Variants in USP13 observed in about 807,000 individuals in gnomAD.
USP13 encodes the protein ubiquitin carboxyl-terminal hydrolase 13.
Under a neutral mutation model 107.8 loss-of-function variants are expected in USP13, and 68 were observed. The ratio of observed to expected loss-of-function variants is 0.63; its 90% CI spans 0.52 to 0.77. The LOEUF is 0.77. Ranked by LOEUF, USP13 falls within the 30% of genes least tolerant of loss-of-function variation. The pLI is 0.00. For missense variants in USP13, 945 were observed against 1,093.3 expected (o/e 0.86, Z 1.91); for synonymous variants, 377 against 389.5 (o/e 0.97, Z 0.38).
chr3:179,784,126 C>G lies in USP13; in HGVS notation c.2577C>G (p.Arg859=). 1 of 1,610,478 alleles carries G rather than the reference C, an allele frequency of 6.2e-7. No homozygotes were observed. The highest frequency in any genetic ancestry group is 1.1e-5 in the South Asian group (1 of 90,328). ...PKDLGYMYFY[R]RIPS is the part of the protein sequence containing the mutation. ...ACCTGGGCTACATGTACTTTTACCG[C>G]AGGATACCAAGCTAAACCTCAAATA... The change falls in exon 21 of 21, where the codon CGC becomes CGG. Residue 859 remains arginine, a synonymous_variant. Coordinates refer to ENST00000263966, the MANE Select transcript of USP13 (RefSeq NM_003940.3).
intron 17 of USP13, 110 bp from the exon 18 acceptor site, chr3:179,763,891 TG>T: frequency 1.4e-6 from 2 of 1,381,790 alleles, no homozygotes; most frequent in Non-Finnish European, 1.9e-6. Flanking sequence ...TGGCCCAGAC[TG>T]TCTTGATTAT....
rs749201937 is a variant in USP13, at chr3:179,680,976, A to G, written c.169-902A>G. On this transcript the variant is annotated intron_variant, in intron 1 of 20. Transcript: ENST00000263966. The stretch of plus-strand genomic sequence containing the variant: ...ATTCCTCACCAATGAATGAGGAAGA[A>G]CGATAATAAAATATCACAGTGAAAA... 1.4e-4 allele frequency among the ~76,000 whole-genome samples: 14 copies of G among 97,826 alleles called. 1 individual carries two copies. The highest frequency in any genetic ancestry group is 2.9e-4 in the Non-Finnish European group (13 of 44,154). 64.2% of individuals were successfully genotyped at this position (97,826 alleles called of 152,430 possible).
chr3:179,721,234 GC>G lies in USP13; in HGVS notation c.901-166del, dbSNP rs1432674722. ...GCATTATGTACATTCACTTTGTTGT[GC>G]CACCATCACCGTCTCTCAGTCTTTT... On this transcript the variant is annotated intron_variant, in intron 7 of 20. Transcript: ENST00000263966. This position sits in a 1 kb window ranked among gnomAD's most constrained non-coding sequence, Gnocchi z 4.3. Among the ~76,000 whole-genome samples the G allele has an allele frequency of 1.3e-5, 2 of 152,076 alleles. No individual in the cohort carries two copies. The highest frequency in any genetic ancestry group is 1.3e-4 in the Admixed American group (2 of 15,276).
intron 14 of USP13, among the ~76,000 whole-genome samples, chr3:179,752,831 G>A (rs1714659835): frequency 6.6e-6 from 1 of 152,166 alleles, no homozygotes; most frequent in Non-Finnish European, 1.5e-5. Context: ...CTCCTCATAG[G>A]ATCTCTCCTC....
intron 1 of USP13, among the ~76,000 whole-genome samples, chr3:179,661,202 G>T (rs1180608937): frequency 6.6e-5 from 10 of 152,152 alleles, no homozygotes. Context: ...GTGTCAGAGG[G>T]TTACCAGGCC....
At chr3:179,746,706 C>T (rs985328757) in intron 13 of USP13, among the ~76,000 whole-genome samples, 1 of 152,114 alleles carries the variant, frequency 6.6e-6, no homozygotes, top group Admixed American at 6.5e-5. Flanking sequence ...TGCTGGATTA[C>T]AGGCATGAGC....
intron 10 of USP13, among the ~76,000 whole-genome samples, chr3:179,737,985 A>G (rs1009509391): frequency 1.1e-4 from 16 of 152,216 alleles, no homozygotes; most frequent in Admixed American, 9.2e-4. Flanking sequence ...GAGGGATGTT[A>G]TATATGGAGC....
At chr3:179,669,347 C>G (rs60227621) in intron 1 of USP13, among the ~76,000 whole-genome samples, 7,395 of 152,108 alleles carry the variant, frequency 0.049, 312 homozygotes, top group African/African-American at 0.1. Context: ...GTGGTCCCAG[C>G]TACTTGGGAT....
chr3:179,655,977 A>C (rs902883771), intron 1 of USP13, among the ~76,000 whole-genome samples: 1 of 152,246 alleles, frequency 6.6e-6, no homozygotes, highest in Non-Finnish European at 1.5e-5. Flanking sequence ...CATTGGTGCT[A>C]AACACGCCAG....
chr3:179,665,470 T>G (rs1383927151), intron 1 of USP13, among the ~76,000 whole-genome samples: 1 of 152,108 alleles, frequency 6.6e-6, no homozygotes, highest in Non-Finnish European at 1.5e-5. Flanking sequence ...AAATGGAGAG[T>G]CAGAGAGGTT....
In USP13 at chr3:179,740,355, C is replaced by T; in HGVS notation, c.1363C>T (p.Leu455=). 1 of 1,614,080 alleles carries T rather than the reference C, an allele frequency of 6.2e-7. No homozygotes were observed. The highest frequency in any genetic ancestry group is 8.5e-7 in the Non-Finnish European group (1 of 1,179,996). ...AGATGCCCAGGAATTCTTCTTGCAC[C>T]TGGTGAATCTAGTAGAGGTGAGTAG... ...QQDAQEFFLH[L]VNLVERNRIG... The change falls in exon 11 of 21, where the codon CTG becomes TTG. Residue 455 remains leucine, a synonymous_variant. Transcript: ENST00000263966.
intron 15 of USP13, 54 bp downstream of exon 15, chr3:179,754,908 A>G (rs1368529280): frequency 6.5e-7 from 1 of 1,528,972 alleles, no homozygotes; most frequent in South Asian, 1.3e-5. Context: ...GTTCTATAGG[A>G]ACAGTCTCTT....
intron 16 of USP13, 26 bp from the exon 17 acceptor site, chr3:179,761,086 C>G (rs772515075): frequency 1.2e-6 from 2 of 1,613,530 alleles, no homozygotes; most frequent in Non-Finnish European, 1.7e-6. Flanking sequence ...CTCTTTCACA[C>G]TAGAATATCC....
At chr3:179,747,874 A>G (rs1037742868) in intron 13 of USP13, among the ~76,000 whole-genome samples, 2 of 152,192 alleles carry the variant, frequency 1.3e-5, no homozygotes, top group Non-Finnish European at 2.9e-5. Flanking sequence ...TGCTTCCTAT[A>G]GTTCTTACAA....
Position 179,745,130 on chromosome 3 carries a change from T to G in USP13, c.1622T>G (p.Phe541Cys). Residue 541 changes from phenylalanine to cysteine, a missense_variant, in exon 13 of 21, where the codon TTT becomes TGT. Physicochemically the swap from Phe to Cys is radical, Grantham distance 205 (BLOSUM62 -2). Coordinates refer to ENST00000263966, the MANE Select transcript of USP13 (RefSeq NM_003940.3). The part of the protein sequence containing the change: ...LPELVRAKIP[F>C]SACLQAFSEP... ...GAGTTGGTACGTGCCAAGATACCAT[T>G]TAGTGCCTGCCTTCAGGCCTTCTCT... The G allele has an allele frequency of 6.2e-7, 1 of 1,614,130 alleles. No individual in the cohort carries two copies. The highest frequency in any genetic ancestry group is 8.5e-7 in the Non-Finnish European group (1 of 1,180,024).
chr3:179,687,387 C>T (rs1163249429), intron 2 of USP13, among the ~76,000 whole-genome samples: 4 of 151,712 alleles, frequency 2.6e-5, no homozygotes, highest in East Asian at 1.9e-4. Context: ...TGGCCAGGTG[C>T]GGTGGCTCAC....
chr3:179,765,837 A>T lies in USP13; in HGVS notation c.2402A>T (p.Asp801Val), dbSNP rs1715156200. Residue 801 changes from aspartate to valine, a missense_variant, in exon 19 of 21, where the codon GAT becomes GTT. Physicochemically the swap from Asp to Val is radical, Grantham distance 152. Coordinates refer to ENST00000263966, the MANE Select transcript of USP13 (RefSeq NM_003940.3). ...AAGCCCGAAGGACCTAGAGTCAAGG[A>T]TGGATCTGGAAGTAAGTTCTTGCCT... ...EAKPEGPRVK[D>V]GSGTYELFAF... is the part of the protein sequence containing the mutation. 2 of 1,614,122 alleles carry T rather than the reference A, an allele frequency of 1.2e-6. No individual in the cohort carries two copies. Among genetic ancestry groups the T allele is most frequent in the East Asian group, 4.5e-5 (2 of 44,888 alleles).
intron 3 of USP13, among the ~76,000 whole-genome samples, chr3:179,696,339 T>TC (rs1712325196): frequency 6.7e-6 from 1 of 148,432 alleles, no homozygotes; most frequent in South Asian, 2.2e-4. Context: ...TTTTTTTTTT[T>TC]TTTTTTTTGA....
intron 8 of USP13, among the ~76,000 whole-genome samples, chr3:179,727,168 T>G (rs894449193): frequency 2.0e-5 from 3 of 149,504 alleles, no homozygotes; most frequent in Admixed American, 6.6e-5. Context: ...TTAATGTTTT[T>G]TTTTTTTTTT....
Sources: gnomAD v4.1 joint callset for allele counts (sites outside exome capture counted in the v4.1 genomes callset) on GRCh38, gnomAD v4.1.1 for gene constraint, Gnocchi (gnomAD v3.1) non-coding constraint, MANE v1.5 for transcripts, NCBI Gene and HGNC (gene_info 2026-07-23, HGNC 2026-07-21) for gene names.